The following MGAT5 variants were observed in gnomAD, a reference collection of about 807,000 sequenced individuals.
The protein encoded by MGAT5 is alpha-1,6-mannosylglycoprotein 6-beta-N-acetylglucosaminyltransferase A.
Under a neutral mutation model 94.3 loss-of-function variants are expected in MGAT5, and 30 were observed. The ratio of observed to expected loss-of-function variants is 0.32; its 90% CI spans 0.24 to 0.43. MGAT5 has a LOEUF of 0.43. Ranked by LOEUF, MGAT5 falls within the 20% of genes least tolerant of loss-of-function variation. MGAT5 has a pLI of 1.00. For synonymous variants in MGAT5, 310 were observed against 322.9 expected (o/e 0.96, Z 0.43); for missense variants, 691 against 905.5 (o/e 0.76, Z 3.04).
intron 4 of MGAT5, among the ~76,000 whole-genome samples, chr2:134,328,785 C>A (rs1440408279): frequency 6.6e-6 from 1 of 151,860 alleles, no homozygotes; most frequent in Non-Finnish European, 1.5e-5. Flanking sequence ...GGGTTGAATA[C>A]TCTGAGGAAA....
At chr2:134,356,757 A>G (rs768216325) in intron 9 of MGAT5, among the ~76,000 whole-genome samples, 9 of 152,146 alleles carry the variant, frequency 5.9e-5, no homozygotes, top group Admixed American at 2.0e-4. Context: ...TCTTGAGTAG[A>G]ATAGGCACAC....
chr2:134,266,817 T>G (rs1298856438), intron 1 of MGAT5, among the ~76,000 whole-genome samples: 2 of 152,244 alleles, frequency 1.3e-5, no homozygotes, highest in Non-Finnish European at 2.9e-5. Flanking sequence ...CTCAGGTAGC[T>G]GCTTGAGTTG....
chr2:134,199,441 T>G lies in MGAT5; in HGVS notation c.-142-54821T>G, dbSNP rs146071401. Among the ~76,000 whole-genome samples, 26 of 151,912 alleles carry G rather than the reference T, an allele frequency of 1.7e-4. 1 individual carries two copies. The East Asian group carries it at 4.2e-3, about 25-fold the overall frequency. ...CACCTGTGGACTCTCAGTTCTCTGG[T>G]GGAGGCTGAAATTTTAGGGCTGGCT... On this transcript the variant is annotated intron_variant, in intron 1 of 16. Transcript: ENST00000409645.
intron 9 of MGAT5, among the ~76,000 whole-genome samples, chr2:134,361,061 C>A (rs1295127641): frequency 1.3e-5 from 2 of 152,214 alleles, no homozygotes; most frequent in Admixed American, 1.3e-4. Context: ...GGCTGGGCAT[C>A]GGAGTCCTAG....
At chr2:134,144,405 T>TA (rs1686810123) in intron 1 of MGAT5, among the ~76,000 whole-genome samples, 1 of 152,060 alleles carries the variant, frequency 6.6e-6, no homozygotes, top group Non-Finnish European at 1.5e-5. Flanking sequence ...CACAATAACT[T>TA]ACTCACTGTC....
At chr2:134,439,489 G>A (rs1685355133) in intron 14 of MGAT5, among the ~76,000 whole-genome samples, 1 of 152,220 alleles carries the variant, frequency 6.6e-6, no homozygotes, top group African/African-American at 2.4e-5. Flanking sequence ...CTGAGGTCAG[G>A]AGTTCGAGAC....
intron 12 of MGAT5, among the ~76,000 whole-genome samples, chr2:134,414,116 A>G (rs1302225196): frequency 6.6e-6 from 1 of 151,940 alleles, no homozygotes; most frequent in African/African-American, 2.4e-5. Context: ...TGGCCCAGAT[A>G]ACCTTTGACA....
intron 1 of MGAT5, among the ~76,000 whole-genome samples, chr2:134,153,605 T>C (rs1295688678): frequency 6.6e-6 from 1 of 152,190 alleles, no homozygotes; most frequent in Non-Finnish European, 1.5e-5. Flanking sequence ...TGGTGTCTGT[T>C]TGTTTCCAGC....
In MGAT5 at chr2:134,381,378, TAGATTAGATAGATAGATAGATAGATAGA is replaced by T. The variant is rs1558841643; in HGVS notation, c.1380+18971_1380+18998del. On this transcript the variant is annotated intron_variant, in intron 10 of 15. Transcript: ENST00000281923. ...AGATAGATAGATAGATAAGATAAGA[TAGATTAGATAGATAGATAGATAGATAGA>T]TAGATAGATAGATAGATAGATAGAT... Among the ~76,000 whole-genome samples, 57 of 71,636 alleles carry T rather than the reference TAGATTAGATAGATAGATAGATAGATAGA, an allele frequency of 8.0e-4. 1 individual carries two copies. Among genetic ancestry groups the T allele is most frequent in the South Asian group, 3.7e-3 (7 of 1,892 alleles). The allele number at this position is 71,636 out of a possible 152,430, so 47.0% of individuals were successfully genotyped here. A position where few individuals can be genotyped will look rare whatever the true frequency, so the allele number is the denominator to read the frequency against.
chr2:134,444,407 G>C (rs1299460374), intron 15 of MGAT5, among the ~76,000 whole-genome samples: 1 of 152,220 alleles, frequency 6.6e-6, no homozygotes, highest in African/African-American at 2.4e-5. Context: ...TTCTTAGCAG[G>C]AGGCTAGAAT....
chr2:134,135,193 A>G (rs1686348085), intron 1 of MGAT5, among the ~76,000 whole-genome samples: 1 of 152,144 alleles, frequency 6.6e-6, no homozygotes, highest in South Asian at 2.1e-4. Context: ...CATTAAATGT[A>G]TATGTTTGAA....
In MGAT5 at chr2:134,231,636, C is replaced by T. The variant is rs1018680044; in HGVS notation, c.-142-22626C>T. On this transcript the variant is annotated intron_variant, in intron 1 of 16. Coordinates refer to the MGAT5 transcript ENST00000409645. Reference sequence around the variant, plus strand: ...TGCTTGATTTATTGATGGATGATTTCCCTCATTCACCCTCTGGAGTTCTTT... The same window carrying T: ...TGCTTGATTTATTGATGGATGATTTTCCTCATTCACCCTCTGGAGTTCTTT... 1.2e-4 allele frequency among the ~76,000 whole-genome samples: 18 copies of T among 152,164 alleles called. 1 individual carries two copies. The highest frequency in any genetic ancestry group is 4.6e-4 in the Admixed American group (7 of 15,274).
intron 1 of MGAT5, among the ~76,000 whole-genome samples, chr2:134,138,536 G>C (rs537600707): frequency 6.6e-6 from 1 of 152,290 alleles, no homozygotes; most frequent in African/African-American, 2.4e-5. Flanking sequence ...TATAGGTCCT[G>C]TCTTCAACTT....
At chr2:134,302,243 C>T (rs912339461) in intron 2 of MGAT5, among the ~76,000 whole-genome samples, 1 of 152,068 alleles carries the variant, frequency 6.6e-6, no homozygotes, top group African/African-American at 2.4e-5. Context: ...TTTGCCATCC[C>T]TTGTTACAGA....
At chr2:134,261,203 G>A (rs987179661) in intron 1 of MGAT5, among the ~76,000 whole-genome samples, 1 of 152,176 alleles carries the variant, frequency 6.6e-6, no homozygotes, top group Admixed American at 6.5e-5. Context: ...ACGCACATGT[G>A]TGAGGTTGGA....
At chr2:134,252,669 T>C (rs1426578176), upstream of MGAT5, among the ~76,000 whole-genome samples, 1 of 150,400 alleles carries the variant, frequency 6.6e-6, no homozygotes, top group East Asian at 1.9e-4. Flanking sequence ...AATTGAGAGG[T>C]TGGCAAACCT....
chr2:134,449,039 G>A lies in MGAT5; in HGVS notation c.*192G>A. The A allele has an allele frequency of 1.7e-6, 1 of 604,404 alleles. No individual in the cohort carries two copies. The highest frequency in any genetic ancestry group is 2.9e-6 in the Non-Finnish European group (1 of 342,436). The allele number at this position is 604,404 out of a possible 1,614,324, so 37.4% of individuals were successfully genotyped here. A position where few individuals can be genotyped will look rare whatever the true frequency, so the allele number is the denominator to read the frequency against. On this transcript the variant is annotated 3_prime_UTR_variant, in exon 16 of 16. Coordinates refer to ENST00000281923, the MANE Select transcript of MGAT5 (RefSeq NM_002410.5). ...TGGAGTCTTCACCAAAACAAAACAA[G>A]AGCGTATGTCAGGCCAGGAGCCTGG...
intron 10 of MGAT5, among the ~76,000 whole-genome samples, chr2:134,381,536 C>CAAACAGATAGATAGATAGATAGAT (rs1553457845): frequency 6.8e-6 from 1 of 146,844 alleles, no homozygotes; most frequent in South Asian, 2.3e-4. Flanking sequence ...GACAGACAGA[C>CAAACAGATAGATAGATAGATAGAT]AGATAGATAG....
At chr2:134,220,007 C>A (rs889874580) in intron 1 of MGAT5, among the ~76,000 whole-genome samples, 2 of 152,114 alleles carry the variant, frequency 1.3e-5, no homozygotes, top group African/African-American at 4.8e-5. Context: ...CTAATATTAG[C>A]ATTATTAAGT....
Sources: allele counts gnomAD v4.1 joint callset (sites outside exome capture counted in the v4.1 genomes callset), GRCh38; gene constraint gnomAD v4.1.1; transcripts MANE v1.5; gene names NCBI Gene and HGNC (gene_info 2026-07-23, HGNC 2026-07-21).